Variants in PTPRQ observed in about 807,000 individuals in gnomAD.
PTPRQ encodes the protein phosphatidylinositol phosphatase PTPRQ.
In PTPRQ, 199 loss-of-function variants were observed where a neutral mutation model predicts 246.0. The ratio of observed to expected loss-of-function variants is 0.81; its 90% CI spans 0.72 to 0.91. The LOEUF (loss-of-function observed/expected upper bound fraction) is 0.91, where lower values mean the gene tolerates loss of function less well. Ranked by LOEUF, PTPRQ falls within the 40% of genes least tolerant of loss-of-function variation. The pLI, the probability that PTPRQ is intolerant of heterozygous loss-of-function variation, is 0.00. For missense variants in PTPRQ, 2,624 were observed against 2,528.4 expected, an observed-to-expected ratio of 1.04 and a Z score of -0.81; for synonymous variants, 869 against 853.2, an observed-to-expected ratio of 1.02 and a Z score of -0.32.
In PTPRQ at chr12:80,535,943, T is replaced by C. The variant is rs1895973855; in HGVS notation, c.2985+906T>C. 2.6e-5 allele frequency among the ~76,000 whole-genome samples: 4 copies of C among 152,144 alleles called. No homozygotes were observed. In the South Asian group the frequency reaches 8.3e-4, roughly 32 times the overall value. On this transcript the variant is annotated intron_variant, in intron 19 of 44. Transcript: ENST00000644991. ...TAACACGGTGAAACCCCGTCTCTAC[T>C]AAAAATACAAAAAATTAGCCAGGCG...
intron 36 of PTPRQ, 36 bp downstream of exon 36, chr12:80,648,959 A>C (rs1342516350): frequency 6.7e-7 from 1 of 1,492,988 alleles, no homozygotes; most frequent in Non-Finnish European, 8.9e-7. Flanking sequence ...TTCTTTTTGA[A>C]TATCAAAGTT....
chr12:80,450,326 G>C (rs1404954338), intron 3 of PTPRQ, among the ~76,000 whole-genome samples: 2 of 152,118 alleles, frequency 1.3e-5, no homozygotes, highest in Non-Finnish European at 2.9e-5. Flanking sequence ...TCTTCAAACA[G>C]GGACAATTTG....
chr12:80,550,981 A>G (rs1015396260), intron 25 of PTPRQ, among the ~76,000 whole-genome samples: 2 of 152,098 alleles, frequency 1.3e-5, no homozygotes, highest in Admixed American at 1.3e-4. Context: ...CCCTCCAGAT[A>G]TCTTCTCTTA....
Position 80,680,216 on chromosome 12 carries a change from C to T in PTPRQ, c.*1193C>T, listed in dbSNP as rs902121633. ...TAAGAAGTATATCTTATGCTTATTTCCGCTGGAACATATATATATAAGAAA... is the reference window on the plus strand; with the variant it reads ...TAAGAAGTATATCTTATGCTTATTTTCGCTGGAACATATATATATAAGAAA... On this transcript the variant is annotated 3_prime_UTR_variant, in exon 45 of 45. Coordinates refer to ENST00000644991, the MANE Select transcript of PTPRQ (RefSeq NM_001145026.2). 6.6e-6 allele frequency: 1 copy of T among 151,302 alleles called. No individual in the cohort carries two copies. The highest frequency in any genetic ancestry group is 2.4e-5 in the African/African-American group (1 of 41,270). 9.4% of individuals were successfully genotyped at this position (151,302 alleles called of 1,614,324 possible).
chr12:80,649,342 C>T (rs1420428645), intron 36 of PTPRQ, among the ~76,000 whole-genome samples: 2 of 152,060 alleles, frequency 1.3e-5, no homozygotes, highest in Admixed American at 6.6e-5. Flanking sequence ...CATTAAAATG[C>T]TAAATCCTTT....
intron 26 of PTPRQ, among the ~76,000 whole-genome samples, chr12:80,600,394 G>A (rs143741661): frequency 2.5e-4 from 38 of 151,742 alleles, no homozygotes; most frequent in Admixed American, 4.6e-4. Context: ...TTCTGAGCTG[G>A]CATACAGACA....
chr12:80,658,127 C>A, intron 39 of PTPRQ, 66 bp downstream of exon 39: 1 of 1,047,064 alleles, frequency 9.6e-7, no homozygotes, highest in Middle Eastern at 3.4e-4. Context: ...TATTATCTTT[C>A]CAATTACTTA....
At chr12:80,473,970 G>A (rs1450476110) in intron 8 of PTPRQ, among the ~76,000 whole-genome samples, 1 of 152,166 alleles carries the variant, frequency 6.6e-6, no homozygotes. Context: ...CCAAAGGCAG[G>A]GTTGGCATGG....
At chr12:80,547,302 T>C (rs1464639500) in intron 24 of PTPRQ, among the ~76,000 whole-genome samples, 3 of 152,170 alleles carry the variant, frequency 2.0e-5, no homozygotes, top group African/African-American at 7.2e-5. Context: ...TATTTAATGA[T>C]GGCTTAGAAA....
At position 80,492,159 on chromosome 12, in the gene PTPRQ, C is replaced by G. The variant is rs143193826; in HGVS notation, c.1360-1116C>G. ...CCTCCATATACCTGCCACCTGGATT[C>G]AGTAATCATCAATAGGCTGCCATTC... is the stretch of plus-strand genomic sequence containing the variant. On this transcript the variant is annotated intron_variant, in intron 9 of 44. Coordinates refer to ENST00000644991, the MANE Select transcript of PTPRQ (RefSeq NM_001145026.2). Among the ~76,000 whole-genome samples the G allele has an allele frequency of 5.8e-3, 889 of 151,974 alleles. 10 individuals are homozygous for G. Among genetic ancestry groups the G allele is most frequent in the African/African-American group, 0.021 (863 of 41,506 alleles).
intron 8 of PTPRQ, among the ~76,000 whole-genome samples, chr12:80,473,022 TAC>T (rs371484292): frequency 3.9e-5 from 5 of 129,196 alleles, no homozygotes; most frequent in South Asian, 5.5e-4. Context: ...TAGACATGTA[TAC>T]ACACACACAC....
chr12:80,533,895 T>C (rs1173843651), intron 17 of PTPRQ, 120 bp from the exon 18 acceptor site: 6 of 699,696 alleles, frequency 8.6e-6, no homozygotes, highest in East Asian at 3.4e-5. Flanking sequence ...ACATCTTTTT[T>C]CTATTAATCT....
Position 80,495,340 on chromosome 12 carries a change from A to C in PTPRQ, c.1851A>C (p.Ile617=), listed in dbSNP as rs1318669693. 6 of 1,529,306 alleles carry C rather than the reference A, an allele frequency of 3.9e-6. No homozygotes were observed. In the African/African-American group the frequency reaches 7.0e-5, roughly 18 times the overall value. The allele number at this position is 1,529,306 out of a possible 1,614,324, so 94.7% of individuals were successfully genotyped here. The change falls in exon 12 of 45, where the codon ATA becomes ATC. Residue 617 remains isoleucine (I), a synonymous_variant. Coordinates refer to ENST00000644991, the MANE Select transcript of PTPRQ (RefSeq NM_001145026.2). ...MELDTNRAFQ[I]TTIDNSFLIT... ...TGGATACAAACAGAGCATTCCAGATAACTACCATAGATAACAGCTTTCTCA... is the reference window on the plus strand; with the variant it reads ...TGGATACAAACAGAGCATTCCAGATCACTACCATAGATAACAGCTTTCTCA...
chr12:80,466,806 G>C (rs904913548), intron 6 of PTPRQ, among the ~76,000 whole-genome samples: 1 of 152,152 alleles, frequency 6.6e-6, no homozygotes, highest in Non-Finnish European at 1.5e-5. Context: ...CTAGCCATAT[G>C]TAGAAAGCTG....
chr12:80,499,544 A>T (rs190748724), intron 14 of PTPRQ, among the ~76,000 whole-genome samples: 1 of 152,066 alleles, frequency 6.6e-6, no homozygotes, highest in Admixed American at 6.6e-5. Flanking sequence ...TACAGTAATT[A>T]TACCTTCTAT....
At chr12:80,546,718 C>T in intron 24 of PTPRQ, 21 bp downstream of exon 24, 9 of 1,540,108 alleles carry the variant, frequency 5.8e-6, no homozygotes, top group Non-Finnish European at 7.0e-6. Context: ...GTTTTTGAGC[C>T]TAAAATGTTT....
intron 17 of PTPRQ, among the ~76,000 whole-genome samples, chr12:80,528,885 G>A (rs1895766341): frequency 6.6e-6 from 1 of 152,086 alleles, no homozygotes. Flanking sequence ...CAGTGGCTTT[G>A]TCCTTTAATC....
intron 24 of PTPRQ, chr12:80,546,928 A>G (rs1565778558): frequency 2.5e-6 from 1 of 398,942 alleles, no homozygotes. Context: ...AAGTTGAAAT[A>G]AAATAGTAGT....
chr12:80,664,360 T>C (rs1409077263), intron 39 of PTPRQ, among the ~76,000 whole-genome samples: 2 of 151,986 alleles, frequency 1.3e-5, no homozygotes, highest in African/African-American at 2.4e-5. Flanking sequence ...CCCCTACTTG[T>C]CTGCATCTGT....
Sources: allele counts gnomAD v4.1 joint callset (sites outside exome capture counted in the v4.1 genomes callset), GRCh38; gene constraint gnomAD v4.1.1; transcripts MANE v1.5; gene names NCBI Gene and HGNC (gene_info 2026-07-23, HGNC 2026-07-21).